ASTN2: variants seen among roughly 807,000 people sequenced by gnomAD.
ASTN2 encodes astrotactin 2.
A neutral mutation model predicts 139.8 loss-of-function variants in ASTN2; 54 were observed. The observed-to-expected ratio is 0.39, with a 90% CI of 0.31 to 0.48. The LOEUF (loss-of-function observed/expected upper bound fraction) is 0.48, where lower values mean the gene tolerates loss of function less well. Ranked by LOEUF, ASTN2 falls within the 20% of genes least tolerant of loss-of-function variation. The pLI, the probability that ASTN2 is intolerant of heterozygous loss-of-function variation, is 0.95. For missense variants in ASTN2, 1,565 were observed against 1,725.1 expected (o/e 0.91, Z 1.64); for synonymous variants, 756 against 719.5 (o/e 1.05, Z -0.81).
chr9:117,152,664 A>G (rs1537526), intron 3 of ASTN2, among the ~76,000 whole-genome samples: 144,414 of 152,204 alleles, frequency 0.95, 68,891 homozygotes, highest in Non-Finnish European at 1. Flanking sequence ...AAACTGTTAC[A>G]TGCCAGAAAA....
rs374291608 is a variant in ASTN2, at chr9:117,327,540, C to A, written c.443-36027G>T. On this transcript the variant is annotated intron_variant, in intron 1 of 22. Coordinates refer to ENST00000313400, the MANE Select transcript of ASTN2 (RefSeq NM_001365068.1). ...ACCACATCTGAGAAGGTCAAGTGTG[C>A]CAAGCAAGGAAGTGTGCATATGTTA... is the stretch of plus-strand genomic sequence containing the variant. Among the ~76,000 whole-genome samples the A allele has an allele frequency of 7.9e-5, 12 of 152,132 alleles. No individual in the cohort carries two copies. The East Asian group carries it at 1.7e-3, about 22-fold the overall frequency.
At chr9:117,316,993 G>A (rs570945689) in intron 1 of ASTN2, among the ~76,000 whole-genome samples, 30 of 152,164 alleles carry the variant, frequency 2.0e-4, no homozygotes, top group African/African-American at 7.0e-4. Context: ...AATTCTCTCT[G>A]CTTCTCTTAT....
At chr9:117,108,688 T>C (rs1829170797) in intron 4 of ASTN2, among the ~76,000 whole-genome samples, 1 of 152,142 alleles carries the variant, frequency 6.6e-6, no homozygotes, top group African/African-American at 2.4e-5. Context: ...AGAAAGACAC[T>C]TAACTTCCCA....
intron 19 of ASTN2, among the ~76,000 whole-genome samples, chr9:116,591,986 G>A (rs1433508200): frequency 2.0e-5 from 3 of 152,144 alleles, no homozygotes; most frequent in Non-Finnish European, 4.4e-5. Context: ...GTATCTATGG[G>A]GAATTGGTTC....
intron 2 of ASTN2, among the ~76,000 whole-genome samples, chr9:117,249,919 C>T (rs1833491199): frequency 6.6e-6 from 1 of 152,086 alleles, no homozygotes; most frequent in Admixed American, 6.5e-5. Flanking sequence ...AATGTCACCG[C>T]CTACTCATCT....
Position 116,699,320 on chromosome 9 carries a change from C to T in ASTN2, c.2806+26451G>A, listed in dbSNP as rs778620127. On this transcript the variant is annotated intron_variant, in intron 16 of 22. Coordinates refer to ENST00000313400, the MANE Select transcript of ASTN2 (RefSeq NM_001365068.1). The surrounding 1 kb of genome is among the most constrained non-coding windows in gnomAD (Gnocchi z 4.2). Reference sequence around the variant, plus strand: ...TTGTCACCTGTGATGCTGAGGGCACCGTCTACTTCACCCAGGGCTTAGGCC... The same window carrying T: ...TTGTCACCTGTGATGCTGAGGGCACTGTCTACTTCACCCAGGGCTTAGGCC... 11 of 1,614,014 alleles carry T rather than the reference C, an allele frequency of 6.8e-6. No individual in the cohort carries two copies. Among genetic ancestry groups the T allele is most frequent in the East Asian group, 4.5e-5 (2 of 44,884 alleles).
chr9:116,816,993 C>T (rs1831347859), intron 12 of ASTN2, among the ~76,000 whole-genome samples: 1 of 151,836 alleles, frequency 6.6e-6, no homozygotes. Context: ...AAATAGTATC[C>T]ATTTGAAAGG....
At chr9:117,109,322 G>A (rs1564429593) in intron 4 of ASTN2, among the ~76,000 whole-genome samples, 1 of 144,680 alleles carries the variant, frequency 6.9e-6, no homozygotes, top group Non-Finnish European at 1.5e-5. Flanking sequence ...CACAGAGGGA[G>A]ACCCTGTCTC....
intron 19 of ASTN2, among the ~76,000 whole-genome samples, chr9:116,501,006 C>G (rs994814068): frequency 2.0e-5 from 3 of 152,182 alleles, no homozygotes; most frequent in East Asian, 1.9e-4. Context: ...AGATTAAAAA[C>G]AGCTGAATGC....
At chr9:116,752,598 A>G (rs1178441213) in intron 13 of ASTN2, among the ~76,000 whole-genome samples, 2 of 152,236 alleles carry the variant, frequency 1.3e-5, no homozygotes, top group Non-Finnish European at 2.9e-5. Flanking sequence ...GACACGCTAT[A>G]GACTGGGAAT....
At chr9:117,262,137 G>A (rs1244390370) in intron 2 of ASTN2, among the ~76,000 whole-genome samples, 1 of 152,126 alleles carries the variant, frequency 6.6e-6, no homozygotes, top group African/African-American at 2.4e-5. Context: ...AGGAATAGAG[G>A]ATAAAATTTA....
chr9:116,946,785 T>C (rs933981930), intron 10 of ASTN2, among the ~76,000 whole-genome samples: 1 of 151,190 alleles, frequency 6.6e-6, no homozygotes, highest in African/African-American at 2.4e-5. Context: ...AGGATGAGAG[T>C]GGTAAGTGCT....
chr9:117,205,162 G>A (rs1831874457), intron 3 of ASTN2, among the ~76,000 whole-genome samples: 1 of 152,196 alleles, frequency 6.6e-6, no homozygotes, highest in African/African-American at 2.4e-5. Flanking sequence ...ACACAGAAGA[G>A]CCTATGATGG....
chr9:117,104,268 C>G (rs1182637063), intron 4 of ASTN2, among the ~76,000 whole-genome samples: 1 of 152,124 alleles, frequency 6.6e-6, no homozygotes, highest in East Asian at 1.9e-4. Flanking sequence ...GGTCCATTTA[C>G]AGAAGACTGA....
intron 3 of ASTN2, among the ~76,000 whole-genome samples, chr9:117,200,305 C>A (rs1219022144): frequency 6.7e-6 from 1 of 150,032 alleles, no homozygotes; most frequent in African/African-American, 2.5e-5. Flanking sequence ...ATGTCATCTG[C>A]AAACAGAGAC....
At chr9:116,785,693 CTCATCAG>C (rs1830354009) in intron 13 of ASTN2, among the ~76,000 whole-genome samples, 1 of 152,156 alleles carries the variant, frequency 6.6e-6, no homozygotes, top group Admixed American at 6.6e-5. Flanking sequence ...CTTTCTCTCC[CTCATCAG>C]TAAATCTAGT....
At chr9:117,356,949 AG>A (rs1829555916) in intron 1 of ASTN2, among the ~76,000 whole-genome samples, 1 of 152,126 alleles carries the variant, frequency 6.6e-6, no homozygotes, top group African/African-American at 2.4e-5. Flanking sequence ...CTGTAATGCC[AG>A]CTACTTGGGA....
At chr9:116,802,989 C>A (rs1392616024) in intron 13 of ASTN2, among the ~76,000 whole-genome samples, 1 of 76,848 alleles carries the variant, frequency 1.3e-5, no homozygotes, top group Non-Finnish European at 2.6e-5. Context: ...CCTTCTAATT[C>A]CTTTCAACAG....
At chr9:116,490,271 G>T (rs12379663) in intron 19 of ASTN2, among the ~76,000 whole-genome samples, 1 of 2,314 alleles carries the variant, frequency 4.3e-4, no homozygotes, top group Non-Finnish European at 9.0e-4. Flanking sequence ...GTGATAAAAA[G>T]TAAAAAAAAA....
Sources: allele counts gnomAD v4.1 joint callset (sites outside exome capture counted in the v4.1 genomes callset), GRCh38; gene constraint gnomAD v4.1.1; non-coding constraint Gnocchi (gnomAD v3.1); transcripts MANE v1.5; gene names NCBI Gene and HGNC (gene_info 2026-07-23, HGNC 2026-07-21).